The following NRBF2 variants were observed in gnomAD, a reference collection of about 807,000 sequenced individuals.
The protein encoded by NRBF2 is nuclear receptor-binding factor 2.
NRBF2 carries 12 observed loss-of-function variants against 28.5 expected under a neutral mutation model. That is an observed-to-expected ratio of 0.42 (90% CI 0.27 to 0.68). The LOEUF (loss-of-function observed/expected upper bound fraction) is 0.68, where lower values mean the gene tolerates loss of function less well. Among genes scored for constraint, NRBF2 ranks in the 30% least tolerant of loss-of-function variants. The pLI is 0.24. For synonymous variants in NRBF2, 102 were observed against 116.5 expected, an observed-to-expected ratio of 0.88 and a Z score of 0.80; for missense variants, 274 against 333.5, an observed-to-expected ratio of 0.82 and a Z score of 1.39.
intron 1 of NRBF2, among the ~76,000 whole-genome samples, chr10:63,145,479 G>C (rs1236663587): frequency 6.6e-6 from 1 of 152,216 alleles, no homozygotes; most frequent in African/African-American, 2.4e-5. Context: ...AAAGTGCTGG[G>C]ATTACAGCCA....
rs1193106564 is a variant in NRBF2, at chr10:63,154,571, A to G, written c.*353A>G. Reference sequence around the variant, plus strand: ...TATAAAAGTTATGTGTAATTAATCTATAATGCCATAAATGATAATGCAAAA... The same window carrying G: ...TATAAAAGTTATGTGTAATTAATCTGTAATGCCATAAATGATAATGCAAAA... On this transcript the variant is annotated 3_prime_UTR_variant, in exon 4 of 4. Coordinates refer to ENST00000277746, the MANE Select transcript of NRBF2 (RefSeq NM_030759.5). 1.7e-5 allele frequency: 3 copies of G among 176,078 alleles called. No homozygotes were observed. Among genetic ancestry groups the G allele is most frequent in the Non-Finnish European group, 3.6e-5 (3 of 83,236 alleles). The allele number at this position is 176,078 out of a possible 1,614,324, so 10.9% of individuals were successfully genotyped here. A position where few individuals can be genotyped will look rare whatever the true frequency, so the allele number is the denominator to read the frequency against.
In NRBF2 at chr10:63,150,472, G is replaced by A. The variant is rs548943108; in HGVS notation, c.116-1678G>A. 19 of 462,048 alleles carry A rather than the reference G, an allele frequency of 4.1e-5. No individual in the cohort carries two copies. In the South Asian group the frequency reaches 1.6e-3, roughly 38 times the overall value. The allele number at this position is 462,048 out of a possible 1,614,324, so 28.6% of individuals were successfully genotyped here. The stretch of plus-strand genomic sequence containing the variant: ...CCGCTATGTTACCCAGTCTAGTCTT[G>A]AACTCCTGGGCTCAGGCAGTCCTCC... On this transcript the variant is annotated intron_variant, in intron 2 of 3. Transcript: ENST00000277746.
At chr10:63,149,384 A>C (rs1323911679) in intron 2 of NRBF2, among the ~76,000 whole-genome samples, 1 of 152,166 alleles carries the variant, frequency 6.6e-6, no homozygotes, top group Non-Finnish European at 1.5e-5. Context: ...TTGTTATTTT[A>C]AGATATTCTT....
intron 1 of NRBF2, among the ~76,000 whole-genome samples, chr10:63,134,762 A>G (rs564170050): frequency 6.6e-6 from 1 of 152,366 alleles, no homozygotes; most frequent in East Asian, 1.9e-4. Context: ...TTAAAAGCCT[A>G]AGATTCTCGG....
intron 1 of NRBF2, among the ~76,000 whole-genome samples, chr10:63,144,145 A>T (rs750486350): frequency 1.3e-5 from 2 of 152,142 alleles, no homozygotes; most frequent in Non-Finnish European, 2.9e-5. Context: ...AGTGTTAAGT[A>T]TATTCGCATG....
intron 2 of NRBF2, among the ~76,000 whole-genome samples, chr10:63,150,808 G>A (rs944481648): frequency 1.3e-5 from 2 of 152,200 alleles, no homozygotes; most frequent in African/African-American, 4.8e-5. Flanking sequence ...AGGGGTGATG[G>A]GAGACAGCGA....
At chr10:63,139,468 G>A (rs560687602) in intron 1 of NRBF2, among the ~76,000 whole-genome samples, 1 of 152,238 alleles carries the variant, frequency 6.6e-6, no homozygotes, top group Non-Finnish European at 1.5e-5. Context: ...GTACTTGTCA[G>A]TGATGGCAGT....
chr10:63,151,581 C>T lies in NRBF2; in HGVS notation c.116-569C>T, dbSNP rs182179188. Among the ~76,000 whole-genome samples, 28 of 152,044 alleles carry T rather than the reference C, an allele frequency of 1.8e-4. No individual in the cohort carries two copies. In the East Asian group the frequency reaches 3.7e-3, roughly 20 times the overall value. On this transcript the variant is annotated intron_variant, in intron 2 of 3. Transcript: ENST00000277746. The stretch of plus-strand genomic sequence containing the variant: ...TATTAAAATTCAAACAAATAGTCAC[C>T]GAGGATCTAAGATCAGAGAGAAGTT...
intron 1 of NRBF2, among the ~76,000 whole-genome samples, chr10:63,136,284 A>G (rs1841377740): frequency 6.6e-6 from 1 of 151,688 alleles, no homozygotes; most frequent in African/African-American, 2.4e-5. Context: ...GGCATGCACC[A>G]CCCTGCCCGG....
Position 63,153,666 on chromosome 10 carries a change from C to A in NRBF2, c.312C>A (p.Pro104=). 1 of 1,611,982 alleles carries A rather than the reference C, an allele frequency of 6.2e-7. No individual in the cohort carries two copies. Residue 104 remains proline (P), a synonymous_variant, in exon 4 of 4, where the codon CCC becomes CCA. Coordinates refer to ENST00000277746, the MANE Select transcript of NRBF2 (RefSeq NM_030759.5). ...CCCATCTTCAGACATCTCACAAACC[C>A]TCTGCAGAGGATGCAGAGGGCCAGA... ...AAAHLQTSHK[P]SAEDAEGQSP...
intron 2 of NRBF2, among the ~76,000 whole-genome samples, chr10:63,147,611 C>A (rs1388886583): frequency 7.5e-6 from 1 of 134,146 alleles, no homozygotes; most frequent in Admixed American, 7.5e-5. Context: ...TGCTCTCAGC[C>A]TTTTTTTTTT....
At chr10:63,140,627 T>C (rs1017144106) in intron 1 of NRBF2, among the ~76,000 whole-genome samples, 3 of 151,940 alleles carry the variant, frequency 2.0e-5, no homozygotes, top group Non-Finnish European at 2.9e-5. Context: ...TTGCCTATGC[T>C]GGTCTCAAGC....
At position 63,133,337 on chromosome 10, in the gene NRBF2, G is replaced by C. The variant is rs1013208496; in HGVS notation, c.-134G>C. On this transcript the variant is annotated 5_prime_UTR_variant, in exon 1 of 4. Coordinates refer to ENST00000277746, the MANE Select transcript of NRBF2 (RefSeq NM_030759.5). ...AAGTGGTGAGGTTGTTGCTCCTTCA[G>C]CGCCTATCGCTGGCTCTTGGGGCGC... 1.9e-6 allele frequency: 2 copies of C among 1,047,846 alleles called. No homozygotes were observed. The highest frequency in any genetic ancestry group is 2.8e-6 in the Non-Finnish European group (2 of 704,078). 64.9% of individuals were successfully genotyped at this position (1,047,846 alleles called of 1,614,324 possible).
At chr10:63,151,791 T>C (rs1305887394) in intron 2 of NRBF2, among the ~76,000 whole-genome samples, 1 of 152,216 alleles carries the variant, frequency 6.6e-6, no homozygotes. Context: ...TAAAAAGTCA[T>C]TGATAATCTC....
At chr10:63,148,706 C>T (rs1490811784) in intron 2 of NRBF2, among the ~76,000 whole-genome samples, 2 of 152,150 alleles carry the variant, frequency 1.3e-5, no homozygotes, top group African/African-American at 2.4e-5. Context: ...AAATAAGTTG[C>T]TTGATGTCTC....
chr10:63,139,586 A>G, intron 1 of NRBF2, among the ~76,000 whole-genome samples: 1 of 152,186 alleles, frequency 6.6e-6, no homozygotes, highest in Admixed American at 6.6e-5. Context: ...GACTCCAAAG[A>G]AAGGTGCAGG....
At position 63,133,407 on chromosome 10, in the gene NRBF2, G is replaced by A; in HGVS notation, c.-64G>A. ...CGCGGCTGCGTCGAGCTCCCTTGCAGTCCCCTCCATGTTCCCCGGCGCCAC... is the reference window on the plus strand; with the variant it reads ...CGCGGCTGCGTCGAGCTCCCTTGCAATCCCCTCCATGTTCCCCGGCGCCAC... On this transcript the variant is annotated 5_prime_UTR_variant, in exon 1 of 4. Coordinates refer to ENST00000277746, the MANE Select transcript of NRBF2 (RefSeq NM_030759.5). 2.5e-6 allele frequency: 4 copies of A among 1,600,248 alleles called. No individual in the cohort carries two copies. Among genetic ancestry groups the A allele is most frequent in the Non-Finnish European group, 3.4e-6 (4 of 1,173,356 alleles).
At position 63,146,244 on chromosome 10, in the gene NRBF2, A is replaced by G; in HGVS notation, c.66A>G (p.Leu22=). The change falls in exon 2 of 4, where the codon TTA becomes TTG. Residue 22 remains leucine, a synonymous_variant. Transcript: ENST00000277746. ...AGAGCAGACGAGCAGACCGTTTATT[A>G]GCTGCAGGCAAATACGAAGAGGCTA... The part of the protein sequence containing the change: ...HQQSRRADRL[L]AAGKYEEAIS... 6.2e-7 allele frequency: 1 copy of G among 1,612,520 alleles called. No individual in the cohort carries two copies. The highest frequency in any genetic ancestry group is 1.3e-5 in the African/African-American group (1 of 75,010).
rs746129999 is a variant in NRBF2, at chr10:63,133,393, C to A, written c.-78C>A. Reference sequence around the variant, plus strand: ...GGGGCCGCAGTCTCCGCGGCTGCGTCGAGCTCCCTTGCAGTCCCCTCCATG... The same window carrying A: ...GGGGCCGCAGTCTCCGCGGCTGCGTAGAGCTCCCTTGCAGTCCCCTCCATG... On this transcript the variant is annotated 5_prime_UTR_variant, in exon 1 of 4. Coordinates refer to ENST00000277746, the MANE Select transcript of NRBF2 (RefSeq NM_030759.5). The A allele has an allele frequency of 6.4e-7, 1 of 1,572,042 alleles. No individual in the cohort carries two copies. Among genetic ancestry groups the A allele is most frequent in the Non-Finnish European group, 8.7e-7 (1 of 1,150,500 alleles).
Sources: gnomAD v4.1 joint callset for allele counts (sites outside exome capture counted in the v4.1 genomes callset) on GRCh38, gnomAD v4.1.1 for gene constraint, MANE v1.5 for transcripts, NCBI Gene and HGNC (gene_info 2026-07-23, HGNC 2026-07-21) for gene names.